PDE11A: variants seen among roughly 807,000 people sequenced by gnomAD.
The protein encoded by PDE11A is phosphodiesterase 11A, also known as dual 3',5'-cyclic-AMP and -GMP phosphodiesterase 11A.
Under a neutral mutation model 100.5 loss-of-function variants are expected in PDE11A, and 100 were observed. That is an observed-to-expected ratio of 1.00 (90% CI 0.85 to 1.18). PDE11A has a LOEUF of 1.18. PDE11A is among the 50% of genes most tolerant of loss of function. PDE11A has a pLI of 0.00. For synonymous variants in PDE11A, 381 were observed against 420.8 expected, an observed-to-expected ratio of 0.91 and a Z score of 1.16; for missense variants, 1,141 against 1,152.6, an observed-to-expected ratio of 0.99 and a Z score of 0.15.
At chr2:177,881,341 G>GTCTACCTA (rs1553485623) in intron 4 of PDE11A, among the ~76,000 whole-genome samples, 10 of 147,520 alleles carry the variant, frequency 6.8e-5, no homozygotes, top group African/African-American at 2.5e-4. Flanking sequence ...TCATCTATCT[G>GTCTACCTA]TCTATCTATC....
rs187108998 is a variant in PDE11A at position 178,053,099 on chromosome 2, G to A, written c.912+18427C>T. Among the ~76,000 whole-genome samples, 523 of 152,204 alleles carry A rather than the reference G, an allele frequency of 3.4e-3. 1 individual carries two copies. The highest frequency in any genetic ancestry group is 0.012 in the African/African-American group (501 of 41,526). On this transcript the variant is annotated intron_variant, in intron 1 of 19. Coordinates refer to ENST00000286063, the MANE Select transcript of PDE11A (RefSeq NM_016953.4). ...TAGACCAATATCCCTGGTGAACATCGATGTAAAAATCCTCAATAAAATACT... is the reference window on the plus strand; with the variant it reads ...TAGACCAATATCCCTGGTGAACATCAATGTAAAAATCCTCAATAAAATACT...
At chr2:177,748,208 T>G (rs1415838136) in intron 10 of PDE11A, among the ~76,000 whole-genome samples, 1 of 152,172 alleles carries the variant, frequency 6.6e-6, no homozygotes, top group Admixed American at 6.5e-5. Context: ...GATAAATAAT[T>G]TATTTAAGAC....
chr2:177,821,682 A>G (rs2083143713), intron 6 of PDE11A, among the ~76,000 whole-genome samples: 1 of 151,914 alleles, frequency 6.6e-6, no homozygotes, highest in East Asian at 1.9e-4. Flanking sequence ...ATATGTGGTT[A>G]TATCTCCTTG....
chr2:177,968,123 T>A (rs1377221502), intron 2 of PDE11A, among the ~76,000 whole-genome samples: 1 of 152,158 alleles, frequency 6.6e-6, no homozygotes, highest in Non-Finnish European at 1.5e-5. Flanking sequence ...AGGTGCTAAT[T>A]CTTATTTATC....
intron 9 of PDE11A, among the ~76,000 whole-genome samples, chr2:177,785,107 A>G (rs1274235653): frequency 2.6e-5 from 4 of 152,220 alleles, no homozygotes; most frequent in Non-Finnish European, 4.4e-5. Context: ...TGCTGAGCTC[A>G]CAATCCTGGC....
chr2:177,970,984 G>A (rs2695760), intron 2 of PDE11A, among the ~76,000 whole-genome samples: 85,526 of 151,954 alleles, frequency 0.56, 26,746 homozygotes, highest in African/African-American at 0.84. Context: ...TACTTATTGA[G>A]GCAAATGTAC....
intron 2 of PDE11A, among the ~76,000 whole-genome samples, chr2:177,923,930 A>T (rs183836945): frequency 6.6e-6 from 1 of 152,346 alleles, no homozygotes; most frequent in East Asian, 1.9e-4. Context: ...TTAAATAAAT[A>T]AAAGAATCAA....
At chr2:177,655,495 C>T (rs1431916258) in intron 19 of PDE11A, among the ~76,000 whole-genome samples, 2 of 152,164 alleles carry the variant, frequency 1.3e-5, no homozygotes, top group Non-Finnish European at 2.9e-5. Flanking sequence ...CTCACTGCTA[C>T]TCAGAACTTC....
chr2:177,750,345 G>A (rs964537397), intron 10 of PDE11A, among the ~76,000 whole-genome samples: 3 of 152,210 alleles, frequency 2.0e-5, no homozygotes, highest in Non-Finnish European at 4.4e-5. Flanking sequence ...ATACATTACT[G>A]TAATTAAAGT....
intron 5 of PDE11A, among the ~76,000 whole-genome samples, chr2:177,851,184 C>A (rs941396489): frequency 6.6e-6 from 1 of 152,076 alleles, no homozygotes; most frequent in Admixed American, 6.6e-5. Context: ...GGCACATATA[C>A]ACCATGGAAT....
chr2:177,998,078 G>A, intron 2 of PDE11A: 1 of 1,310,278 alleles, frequency 7.6e-7, no homozygotes, highest in Non-Finnish European at 1.1e-6. Context: ...ACACACTCAG[G>A]ATCTGAGGGA....
chr2:177,702,309 C>T lies in PDE11A; in HGVS notation c.2154-1098G>A, dbSNP rs529111046. 1.5e-3 allele frequency among the ~76,000 whole-genome samples: 156 copies of T among 101,018 alleles called. 1 individual carries two copies. Among genetic ancestry groups the T allele is most frequent in the African/African-American group, 5.4e-3 (138 of 25,544 alleles). 66.3% of individuals were successfully genotyped at this position (101,018 alleles called of 152,430 possible). A position where few individuals can be genotyped will look rare whatever the true frequency, so the allele number is the denominator to read the frequency against. ...CAGCCTGGGCGACAGAGTGAGACTC[C>T]GTCTCAAAAAAAAAAAAAAAGTTCA... On this transcript the variant is annotated intron_variant, in intron 13 of 19. Transcript: ENST00000286063.
intron 5 of PDE11A, among the ~76,000 whole-genome samples, chr2:177,854,413 C>T (rs2083792765): frequency 6.6e-6 from 1 of 152,024 alleles, no homozygotes; most frequent in South Asian, 2.1e-4. Context: ...TTGGAAGATA[C>T]ACAACTTCAT....
chr2:177,679,507 A>G (rs1667925784), intron 16 of PDE11A, among the ~76,000 whole-genome samples: 1 of 152,198 alleles, frequency 6.6e-6, no homozygotes, highest in Admixed American at 6.5e-5. Flanking sequence ...TGCAACCAGT[A>G]TGGGAATTGG....
chr2:177,877,126 T>C (rs1319607775), intron 4 of PDE11A, among the ~76,000 whole-genome samples: 1 of 146,294 alleles, frequency 6.8e-6, no homozygotes, highest in East Asian at 1.9e-4. Context: ...CTGGAGGAGG[T>C]GGCAGCAAGT....
At chr2:177,727,551 TA>T (rs1226123240) in intron 12 of PDE11A, 106 bp downstream of exon 12, 2 of 787,964 alleles carry the variant, frequency 2.5e-6, no homozygotes, top group Non-Finnish European at 4.6e-6. Flanking sequence ...AGTTCCAACA[TA>T]AAATGATCAC....
chr2:178,007,699 T>C (rs2086227717), intron 2 of PDE11A, among the ~76,000 whole-genome samples: 2 of 152,070 alleles, frequency 1.3e-5, no homozygotes, highest in South Asian at 4.1e-4. Context: ...TATTTTCATT[T>C]ATTTATTTAT....
intron 2 of PDE11A, among the ~76,000 whole-genome samples, chr2:177,907,271 T>C (rs1371069828): frequency 1.3e-5 from 2 of 152,212 alleles, no homozygotes; most frequent in African/African-American, 4.8e-5. Context: ...AGGTTTATGG[T>C]CTTTTTTAGT....
At chr2:177,661,837 A>G (rs891809722) in intron 19 of PDE11A, among the ~76,000 whole-genome samples, 2 of 152,202 alleles carry the variant, frequency 1.3e-5, no homozygotes, top group Non-Finnish European at 2.9e-5. Context: ...AAATAATAAA[A>G]AAATGGTGCA....
Sources: gnomAD v4.1 joint callset for allele counts (sites outside exome capture counted in the v4.1 genomes callset) on GRCh38, gnomAD v4.1.1 for gene constraint, MANE v1.5 for transcripts, NCBI Gene and HGNC (gene_info 2026-07-23, HGNC 2026-07-21) for gene names.